PRCD: variants seen among roughly 807,000 people sequenced by gnomAD.
PRCD encodes photoreceptor disk component PRCD.
A neutral mutation model predicts 10.1 loss-of-function variants in PRCD; 12 were observed. That is an observed-to-expected ratio of 1.18 (90% CI 0.76 to 1.92). The LOEUF is 1.92. Ranked by LOEUF, PRCD falls within the 40% of genes most tolerant of loss-of-function variation. The pLI, the probability that PRCD is intolerant of heterozygous loss-of-function variation, is 0.00. For synonymous variants in PRCD, 31 were observed against 26.2 expected (o/e 1.18, Z -0.56); for missense variants, 61 against 72.2 (o/e 0.84, Z 0.56).
chr17:76,535,394 G>A (rs921432490), upstream of PRCD, among the ~76,000 whole-genome samples: 2 of 152,170 alleles, frequency 1.3e-5, no homozygotes, highest in South Asian at 2.1e-4. Flanking sequence ...ATCTGAGAAG[G>A]GACCTTCAGG....
At chr17:76,542,011 G>A (rs891096669) in intron 2 of PRCD, among the ~76,000 whole-genome samples, 2 of 152,124 alleles carry the variant, frequency 1.3e-5, no homozygotes, top group Admixed American at 6.5e-5. Context: ...TAAGTCACTC[G>A]GGAGGCTCAG....
At chr17:76,547,716 G>C (rs1456286669), downstream of PRCD, among the ~76,000 whole-genome samples, 4 of 140,160 alleles carry the variant, frequency 2.9e-5, no homozygotes, top group Non-Finnish European at 3.1e-5. Flanking sequence ...CACACACAGA[G>C]ACACATACAT....
At chr17:76,534,178 T>TCTC (rs1567907880) in intron 1 of PRCD, among the ~76,000 whole-genome samples, 103 of 63,978 alleles carry the variant, frequency 1.6e-3, no homozygotes, top group Non-Finnish European at 3.2e-3. Flanking sequence ...CTCTCTCTCT[T>TCTC]TCTTTCTTTC....
At position 76,543,887 on chromosome 17, in the gene PRCD, A is replaced by G. The variant is rs1480720930; in HGVS notation, c.*237A>G. On this transcript the variant is annotated 3_prime_UTR_variant, in exon 5 of 5. Transcript: ENST00000592014. ...TTGGATCTGTGACATGTCTGCCTGC[A>G]GCTGGATGGGAGCAACGGACAGCTT... 2.1e-6 allele frequency: 1 copy of G among 471,090 alleles called. No individual in the cohort carries two copies. Among genetic ancestry groups the G allele is most frequent in the Non-Finnish European group, 4.4e-6 (1 of 227,074 alleles). The allele number at this position is 471,090 out of a possible 1,614,324, so 29.2% of individuals were successfully genotyped here.
In PRCD at chr17:76,540,315, T is replaced by A; in HGVS notation, c.74+100T>A. On this transcript the variant is annotated intron_variant, in intron 1 of 4. Coordinates refer to ENST00000592014, the MANE Select transcript of PRCD (RefSeq NM_001077620.3). The surrounding 1 kb of genome is among the most constrained non-coding windows in gnomAD (Gnocchi z 5.0). The stretch of plus-strand genomic sequence containing the variant: ...AAGGTGGGCAGGGGCTGCGTGAACC[T>A]TCAGCGGGGCTGGGAGGGCATTTTG... The A allele has an allele frequency of 2.2e-6, 3 of 1,395,100 alleles. No homozygotes were observed. Among genetic ancestry groups the A allele is most frequent in the Non-Finnish European group, 3.0e-6 (3 of 1,006,666 alleles). The allele number at this position is 1,395,100 out of a possible 1,614,324, so 86.4% of individuals were successfully genotyped here.
intron 1 of PRCD, chr17:76,529,751 G>T: frequency 1.0e-6 from 1 of 985,332 alleles, no homozygotes; most frequent in Non-Finnish European, 1.2e-6. Flanking sequence ...TGCTCTCCAC[G>T]CCCTGCCAGT....
Position 76,540,968 on chromosome 17 carries a change from T to C in PRCD, c.143+395T>C, listed in dbSNP as rs2074985486. Among the ~76,000 whole-genome samples the C allele has an allele frequency of 6.6e-6, 1 of 152,198 alleles. No individual in the cohort carries two copies. On this transcript the variant is annotated intron_variant, in intron 2 of 4. Coordinates refer to ENST00000592014, the MANE Select transcript of PRCD (RefSeq NM_001077620.3). This position sits in a 1 kb window ranked among gnomAD's most constrained non-coding sequence, Gnocchi z 5.0. ...CCCGCCCTGCCTCAGCTAGGCTGCC[T>C]GAGCCTCCAGCAGGATTCGCTGTCC...
At chr17:76,543,173 C>T in intron 4 of PRCD, 52 bp downstream of exon 4, 2 of 457,860 alleles carry the variant, frequency 4.4e-6, no homozygotes, top group Middle Eastern at 7.4e-4. Flanking sequence ...TTCCCCCAGG[C>T]CCTGGGTGTG....
chr17:76,545,483 C>A, downstream of PRCD: 1 of 417,150 alleles, frequency 2.4e-6, no homozygotes, highest in Non-Finnish European at 4.9e-6. Context: ...TAAAGGGCAG[C>A]TAGAGAGGGA....
downstream of PRCD, among the ~76,000 whole-genome samples, chr17:76,548,260 A>G (rs1304047361): frequency 1.3e-5 from 2 of 152,232 alleles, no homozygotes; most frequent in Non-Finnish European, 2.9e-5. Flanking sequence ...TCACACACAC[A>G]GATACACATA....
Position 76,544,420 on chromosome 17 carries a change from G to T in PRCD, c.*770G>T, listed in dbSNP as rs991795551. ...GAACCGCTGGGGAGGCGCTCAGGGT[G>T]GGGGAGGAGGTGCACCCCGCTGGGG... On this transcript the variant is annotated 3_prime_UTR_variant, in exon 5 of 5. Transcript: ENST00000592014. 4 of 454,888 alleles carry T rather than the reference G, an allele frequency of 8.8e-6. No homozygotes were observed. Among genetic ancestry groups the T allele is most frequent in the Admixed American group, 2.3e-5 (1 of 42,576 alleles). The allele number at this position is 454,888 out of a possible 1,614,324, so 28.2% of individuals were successfully genotyped here.
In PRCD at chr17:76,529,655, G is replaced by A. The variant is rs191124398; in HGVS notation, n.45+1822G>A. 452 of 985,372 alleles carry A rather than the reference G, an allele frequency of 4.6e-4. 1 individual carries two copies. In the African/African-American group the frequency reaches 7.4e-3, roughly 16 times the overall value. 61.0% of individuals were successfully genotyped at this position (985,372 alleles called of 1,614,324 possible). On this transcript the variant is annotated intron_variant and non_coding_transcript_variant, in intron 1 of 4. Coordinates refer to the PRCD transcript ENST00000397633. ...CCTGCGTGGGGAGAGGGGTGGGAGG[G>A]CAGGCAAGCCCCCTCCCCTCCTCTT...
Position 76,531,393 on chromosome 17 carries a change from G to C in PRCD, n.45+3560G>C, listed in dbSNP as rs2074840329. ...TGTTGCTCCAGAGAGCCGTCGCAGAGCCTGCGAGCTGCAGATGGCCATGAC... is the reference window on the plus strand; with the variant it reads ...TGTTGCTCCAGAGAGCCGTCGCAGACCCTGCGAGCTGCAGATGGCCATGAC... On this transcript the variant is annotated intron_variant and non_coding_transcript_variant, in intron 1 of 4. Coordinates refer to the PRCD transcript ENST00000397633. This position sits in a 1 kb window ranked among gnomAD's most constrained non-coding sequence, Gnocchi z 7.4. 1 of 1,545,276 alleles carries C rather than the reference G, an allele frequency of 6.5e-7. No homozygotes were observed. Among genetic ancestry groups the C allele is most frequent in the Non-Finnish European group, 8.8e-7 (1 of 1,130,644 alleles).
rs1315322803 is a variant in PRCD, at chr17:76,528,305, C to T, written n.45+472C>T. ...GACCTGTCCCGCTTCCTGCCAGCCG[C>T]TCAGCTAGGTCTCTCTCTAACAGTG... On this transcript the variant is annotated intron_variant and non_coding_transcript_variant, in intron 1 of 4. Transcript: ENST00000397633. This position sits in a 1 kb window ranked among gnomAD's most constrained non-coding sequence, Gnocchi z 5.8. The T allele has an allele frequency of 2.5e-6, 1 of 400,396 alleles. No homozygotes were observed. The highest frequency in any genetic ancestry group is 4.4e-6 in the Non-Finnish European group (1 of 227,140). The allele number at this position is 400,396 out of a possible 1,614,324, so 24.8% of individuals were successfully genotyped here.
chr17:76,531,041 G>A lies in PRCD; in HGVS notation n.45+3208G>A, dbSNP rs754390163. ...CCTTGTAGGCAGCGGTCACGTGGCT[G>A]TAGATGAGGCCACGCAGCTTGGCCC... On this transcript the variant is annotated intron_variant and non_coding_transcript_variant, in intron 1 of 4. Transcript: ENST00000397633. The surrounding 1 kb of genome is among the most constrained non-coding windows in gnomAD (Gnocchi z 7.4). The A allele has an allele frequency of 8.7e-6, 14 of 1,613,438 alleles. No homozygotes were observed. Among genetic ancestry groups the A allele is most frequent in the East Asian group, 6.7e-5 (3 of 44,866 alleles).
In PRCD at chr17:76,528,887, A is replaced by C; in HGVS notation, n.45+1054A>C. The C allele has an allele frequency of 8.2e-7, 1 of 1,212,256 alleles. No individual in the cohort carries two copies. Among genetic ancestry groups the C allele is most frequent in the Non-Finnish European group, 1.0e-6 (1 of 975,890 alleles). The allele number at this position is 1,212,256 out of a possible 1,614,324, so 75.1% of individuals were successfully genotyped here. On this transcript the variant is annotated intron_variant and non_coding_transcript_variant, in intron 1 of 4. Transcript: ENST00000397633. The surrounding 1 kb of genome is among the most constrained non-coding windows in gnomAD (Gnocchi z 5.8). ...TCTTGTGACATAAACTGGGTAAAAAAGTGTTTCACAAACTGCAAAGCACGA... is the reference window on the plus strand; with the variant it reads ...TCTTGTGACATAAACTGGGTAAAAACGTGTTTCACAAACTGCAAAGCACGA...
Position 76,540,262 on chromosome 17 carries a change from G to GA in PRCD, c.74+47_74+48insA. On this transcript the variant is annotated intron_variant, in intron 1 of 4. Coordinates refer to ENST00000592014, the MANE Select transcript of PRCD (RefSeq NM_001077620.3). The surrounding 1 kb of genome is among the most constrained non-coding windows in gnomAD (Gnocchi z 5.0). ...GGCTGGCGGTTGGTCGGGGGGGGGG[G>GA]GCATGGGGCTGGGCTGCCACCAAGC... The GA allele has an allele frequency of 2.7e-6, 2 of 738,398 alleles. 1 individual carries two copies. The highest frequency in any genetic ancestry group is 3.0e-5 in the South Asian group (2 of 67,018). 45.7% of individuals were successfully genotyped at this position (738,398 alleles called of 1,614,324 possible).
chr17:76,549,955 GT>G (rs1555625615), downstream of PRCD: 4 of 150,750 alleles, frequency 2.7e-5, no homozygotes, highest in Non-Finnish European at 4.4e-5. Context: ...TTTTTTGTTT[GT>G]TTTTTTTTCT....
Position 76,531,059 on chromosome 17 carries a change from C to T in PRCD, n.45+3226C>T, listed in dbSNP as rs2074833363. 1.2e-6 allele frequency: 2 copies of T among 1,613,806 alleles called. No homozygotes were observed. Among genetic ancestry groups the T allele is most frequent in the Non-Finnish European group, 1.7e-6 (2 of 1,179,948 alleles). ...CGTGGCTGTAGATGAGGCCACGCAG[C>T]TTGGCCCAGGCTCTCTGCGTCTCAG... On this transcript the variant is annotated intron_variant and non_coding_transcript_variant, in intron 1 of 4. Transcript: ENST00000397633. This position sits in a 1 kb window ranked among gnomAD's most constrained non-coding sequence, Gnocchi z 7.4.
Sources: allele counts gnomAD v4.1 joint callset (sites outside exome capture counted in the v4.1 genomes callset), GRCh38; gene constraint gnomAD v4.1.1; non-coding constraint Gnocchi (gnomAD v3.1); transcripts MANE v1.5; gene names NCBI Gene and HGNC (gene_info 2026-07-23, HGNC 2026-07-21).